DNAI7: variants seen among roughly 807,000 people sequenced by gnomAD.
DNAI7 encodes the protein cancer susceptibility 1.
Under a neutral mutation model 86.6 loss-of-function variants are expected in DNAI7, and 78 were observed. The observed-to-expected ratio is 0.90, with a 90% CI of 0.75 to 1.09. The LOEUF is 1.09. Among genes scored for constraint, DNAI7 ranks in the 50% least tolerant of loss-of-function variants. DNAI7 has a pLI of 0.00. For missense variants in DNAI7, 753 were observed against 810.2 expected (o/e 0.93, Z 0.86); for synonymous variants, 274 against 273.0 (o/e 1.00, Z -0.04).
intron 2 of DNAI7, among the ~76,000 whole-genome samples, chr12:25,187,229 C>A (rs184208579): frequency 1.3e-5 from 2 of 152,302 alleles, no homozygotes; most frequent in East Asian, 3.9e-4. Context: ...TCTAACCACA[C>A]TGGCATTTCA....
At chr12:25,119,098 T>G in intron 12 of DNAI7, 47 bp downstream of exon 12, 4 of 1,487,126 alleles carry the variant, frequency 2.7e-6, no homozygotes, top group Non-Finnish European at 3.6e-6. Flanking sequence ...AACTTAAGGG[T>G]TTTTATGATT....
rs1944914831 is a variant in DNAI7 at position 25,146,918 on chromosome 12, G to A, written c.689+83C>T. 7 of 752,918 alleles carry A rather than the reference G, an allele frequency of 9.3e-6. No homozygotes were observed. In the Admixed American group the frequency reaches 1.4e-4, roughly 16 times the overall value. 46.6% of individuals were successfully genotyped at this position (752,918 alleles called of 1,614,324 possible). ...TTTTCCAAACACACCATGCTGCTAT[G>A]CAATAGGCATCTATCTGGCAATCAT... is the stretch of plus-strand genomic sequence containing the variant. On this transcript the variant is annotated intron_variant, in intron 8 of 15. Coordinates refer to ENST00000395987, the MANE Select transcript of DNAI7 (RefSeq NM_018272.5).
chr12:25,121,672 T>C (rs559747635), intron 11 of DNAI7, 81 bp downstream of exon 11: 2 of 1,139,350 alleles, frequency 1.8e-6, no homozygotes, highest in African/African-American at 3.2e-5. Context: ...TTAAAGCTTA[T>C]TAGATGTTAG....
At position 25,113,454 on chromosome 12, in the gene DNAI7, A is replaced by C. The variant is rs548644692; in HGVS notation, c.1611+1202T>G. On this transcript the variant is annotated intron_variant, in intron 13 of 15. Coordinates refer to ENST00000395987, the MANE Select transcript of DNAI7 (RefSeq NM_018272.5). The stretch of plus-strand genomic sequence containing the variant: ...GTAGCTAAGACTACAGGCGTGTGCC[A>C]CCATGCCTGGCTAATTTTTGTATTA... Among the ~76,000 whole-genome samples the C allele has an allele frequency of 2.6e-5, 4 of 152,150 alleles. No homozygotes were observed. The East Asian group carries it at 7.7e-4, about 29-fold the overall frequency.
At chr12:25,145,997 C>T (rs764413272) in intron 8 of DNAI7, among the ~76,000 whole-genome samples, 5 of 151,566 alleles carry the variant, frequency 3.3e-5, no homozygotes, top group Non-Finnish European at 5.9e-5. Flanking sequence ...CCGAGATGTG[C>T]GGATCACCTG....
chr12:25,121,431 T>C (rs768244068), intron 11 of DNAI7, among the ~76,000 whole-genome samples: 2 of 152,226 alleles, frequency 1.3e-5, no homozygotes, highest in African/African-American at 2.4e-5. Context: ...ATATTTACCA[T>C]CTGGCCTGTT....
chr12:25,185,282 C>T (rs1949928088), intron 2 of DNAI7, among the ~76,000 whole-genome samples: 1 of 152,114 alleles, frequency 6.6e-6, no homozygotes, highest in African/African-American at 2.4e-5. Flanking sequence ...TAGCTTTGAT[C>T]TATCTGTATA....
At chr12:25,152,674 CAGA>C (rs1449213429) in intron 6 of DNAI7, among the ~76,000 whole-genome samples, 1 of 152,116 alleles carries the variant, frequency 6.6e-6, no homozygotes, top group African/African-American at 2.4e-5. Flanking sequence ...ACAGGCTGAT[CAGA>C]AGTACAGGTG....
intron 9 of DNAI7, among the ~76,000 whole-genome samples, chr12:25,135,225 G>C (rs1026075218): frequency 6.6e-6 from 1 of 152,194 alleles, no homozygotes; most frequent in African/African-American, 2.4e-5. Flanking sequence ...CCAGATCATG[G>C]GAGAAGGATT....
chr12:25,108,253 A>C, downstream of DNAI7: 1 of 605,674 alleles, frequency 1.7e-6, no homozygotes, highest in East Asian at 2.8e-5. Flanking sequence ...TCTGCCTATG[A>C]TCTTTGAATG....
At chr12:25,165,778 T>C (rs886729072) in intron 2 of DNAI7, among the ~76,000 whole-genome samples, 1 of 152,174 alleles carries the variant, frequency 6.6e-6, no homozygotes, top group Admixed American at 6.5e-5. Context: ...CTTGCCCCCA[T>C]AACCGTTGGA....
chr12:25,175,317 T>C (rs1179008160), intron 2 of DNAI7, among the ~76,000 whole-genome samples: 1 of 152,104 alleles, frequency 6.6e-6, no homozygotes, highest in East Asian at 1.9e-4. Flanking sequence ...CCTATCTATA[T>C]TTTTGTCTGC....
downstream of DNAI7, chr12:25,107,948 T>G: frequency 6.2e-7 from 1 of 1,614,186 alleles, no homozygotes; most frequent in Non-Finnish European, 8.5e-7. Context: ...GGCCAATTAT[T>G]CCAGAAGTCT....
chr12:25,161,499 A>C (rs937675869), intron 2 of DNAI7, among the ~76,000 whole-genome samples: 5 of 152,238 alleles, frequency 3.3e-5, no homozygotes, highest in Non-Finnish European at 1.5e-5. Context: ...GGTGCTAAAG[A>C]AAACCTCATC....
At chr12:25,120,317 G>GGAGGGAGAGAGAGAGAGAGAGA (rs1555156526) in intron 11 of DNAI7, among the ~76,000 whole-genome samples, 1 of 80,766 alleles carries the variant, frequency 1.2e-5, no homozygotes, top group African/African-American at 3.3e-5. Context: ...GCAGGAAGAG[G>GGAGGGAGAGAGAGAGAGAGAGA]GAGAGAGAGA....
chr12:25,163,087 C>A (rs1053553001), intron 2 of DNAI7, among the ~76,000 whole-genome samples: 4 of 152,270 alleles, frequency 2.6e-5, no homozygotes, highest in African/African-American at 9.6e-5. Context: ...GGGAGACACT[C>A]CTTTCAGAAA....
At chr12:25,142,696 G>T (rs1006060549) in intron 9 of DNAI7, among the ~76,000 whole-genome samples, 3 of 152,048 alleles carry the variant, frequency 2.0e-5, no homozygotes, top group Non-Finnish European at 4.4e-5. Flanking sequence ...ATACTGATAG[G>T]TTCTTTGTTT....
chr12:25,158,411 A>G (rs1946455906), intron 4 of DNAI7, 61 bp downstream of exon 4: 3 of 1,341,722 alleles, frequency 2.2e-6, no homozygotes, highest in Non-Finnish European at 3.2e-6. Flanking sequence ...ACATTAAATG[A>G]CAATAAATCT....
chr12:25,180,543 T>C (rs1055391218), intron 2 of DNAI7, among the ~76,000 whole-genome samples: 5 of 152,166 alleles, frequency 3.3e-5, no homozygotes, highest in African/African-American at 1.2e-4. Flanking sequence ...AAAACTATAC[T>C]ACAGGCTGTA....
Sources: gnomAD v4.1 joint callset for allele counts (sites outside exome capture counted in the v4.1 genomes callset) on GRCh38, gnomAD v4.1.1 for gene constraint, MANE v1.5 for transcripts, NCBI Gene and HGNC (gene_info 2026-07-23, HGNC 2026-07-21) for gene names.